Variants in RNF44 observed in about 807,000 individuals in gnomAD.
RNF44 encodes ring finger protein 44.
Under a neutral mutation model 53.6 loss-of-function variants are expected in RNF44, and 25 were observed. The ratio of observed to expected loss-of-function variants is 0.47; its 90% CI spans 0.34 to 0.65. The LOEUF is 0.65. Ranked by LOEUF, RNF44 falls within the 30% of genes least tolerant of loss-of-function variation. The pLI, the probability that RNF44 is intolerant of heterozygous loss-of-function variation, is 0.01. For synonymous variants in RNF44, 282 were observed against 252.2 expected, an observed-to-expected ratio of 1.12 and a Z score of -1.12; for missense variants, 581 against 595.5, an observed-to-expected ratio of 0.98 and a Z score of 0.25.
chr5:176,539,587 C>A (rs1757398554), upstream of RNF44, among the ~76,000 whole-genome samples: 1 of 152,032 alleles, frequency 6.6e-6, no homozygotes, highest in African/African-American at 2.4e-5. Context: ...ACTTAGGAGG[C>A]TGAGGCAGGA....
intron 9 of RNF44, 60 bp from the exon 10 acceptor site, chr5:176,529,447 T>C (rs1756349517): frequency 6.9e-6 from 11 of 1,604,956 alleles, no homozygotes; most frequent in Non-Finnish European, 8.5e-6. Flanking sequence ...CTCAGTGGAG[T>C]GTGACTCCCC....
At position 176,531,278 on chromosome 5, in the gene RNF44, C is replaced by G. The variant is rs1001716396; in HGVS notation, c.465+185G>C. 6.6e-6 allele frequency among the ~76,000 whole-genome samples: 1 copy of G among 152,236 alleles called. No homozygotes were observed. Among genetic ancestry groups the G allele is most frequent in the Non-Finnish European group, 1.5e-5 (1 of 68,034 alleles). On this transcript the variant is annotated intron_variant, in intron 4 of 10. Coordinates refer to ENST00000274811, the MANE Select transcript of RNF44 (RefSeq NM_014901.5). The surrounding 1 kb of genome is among the most constrained non-coding windows in gnomAD (Gnocchi z 4.2). ...CAGGGGTACTGGAAGGTTCCTGAAC[C>G]TTGAAACACTCTATTACCAAATGTG...
Position 176,531,927 on chromosome 5 carries a change from G to C in RNF44, c.297+77C>G, listed in dbSNP as rs9313737. ...GAACGTGAAATGAAGCAAGCTAGGT[G>C]AAATCTAGGCCTTGCTGCCTCTGCC... On this transcript the variant is annotated intron_variant, in intron 3 of 10. Coordinates refer to ENST00000274811, the MANE Select transcript of RNF44 (RefSeq NM_014901.5). This position sits in a 1 kb window ranked among gnomAD's most constrained non-coding sequence, Gnocchi z 4.2. The C allele has an allele frequency of 9.5e-3, 13,518 of 1,430,192 alleles. 907 individuals carry two copies. The African/African-American group carries it at 0.16, about 17-fold the overall frequency. The allele number at this position is 1,430,192 out of a possible 1,614,324, so 88.6% of individuals were successfully genotyped here.
chr5:176,531,742 C>T lies in RNF44; in HGVS notation c.298-112G>A, dbSNP rs908240916. 16 of 1,186,416 alleles carry T rather than the reference C, an allele frequency of 1.3e-5. No individual in the cohort carries two copies. Among genetic ancestry groups the T allele is most frequent in the Middle Eastern group, 4.5e-4 (2 of 4,422 alleles). 73.5% of individuals were successfully genotyped at this position (1,186,416 alleles called of 1,614,324 possible). On this transcript the variant is annotated intron_variant, in intron 3 of 10. Coordinates refer to ENST00000274811, the MANE Select transcript of RNF44 (RefSeq NM_014901.5). This position sits in a 1 kb window ranked among gnomAD's most constrained non-coding sequence, Gnocchi z 4.2. ...GCTGCCGGCTCCCTTCCCTTCTCCA[C>T]GGCGGCCTACCTCAGTGCAGACCAG... is the stretch of plus-strand genomic sequence containing the variant.
intron 6 of RNF44, 96 bp from the exon 7 acceptor site, chr5:176,530,302 G>GCCGCCCCGGAGCCCA (rs1756472234): frequency 4.0e-6 from 1 of 247,404 alleles, no homozygotes; most frequent in African/African-American, 4.1e-5. Flanking sequence ...CTGCCTCCCA[G>GCCGCCCCGGAGCCCA]CCGCCCCGGA....
At chr5:176,535,626 C>T (rs1757081496) in intron 1 of RNF44, among the ~76,000 whole-genome samples, 1 of 152,216 alleles carries the variant, frequency 6.6e-6, no homozygotes. Context: ...ACTCCTGTGG[C>T]ATCAGTAGCT....
intron 2 of RNF44, 56 bp from the exon 3 acceptor site, chr5:176,532,249 G>T: frequency 6.6e-7 from 1 of 1,506,658 alleles, no homozygotes; most frequent in Non-Finnish European, 8.9e-7. Context: ...CGTGCACAGA[G>T]CAGGGAGAGA....
In RNF44 at chr5:176,531,419, G is replaced by T; in HGVS notation, c.465+44C>A. On this transcript the variant is annotated intron_variant, in intron 4 of 10. Transcript: ENST00000274811. The surrounding 1 kb of genome is among the most constrained non-coding windows in gnomAD (Gnocchi z 4.2). The stretch of plus-strand genomic sequence containing the variant: ...CCCGCTGAGCCGCTGGCCTGTGCCT[G>T]GGGCTTGCAGCTGGTGGAGGAGGAG... 1 of 1,527,392 alleles carries T rather than the reference G, an allele frequency of 6.5e-7. No individual in the cohort carries two copies. The allele number at this position is 1,527,392 out of a possible 1,614,324, so 94.6% of individuals were successfully genotyped here.
rs909280054 is a variant in RNF44, at chr5:176,527,595, C to G, written c.*1433G>C. The G allele has an allele frequency of 1.3e-5, 2 of 151,896 alleles. No individual in the cohort carries two copies. Among genetic ancestry groups the G allele is most frequent in the African/African-American group, 4.8e-5 (2 of 41,290 alleles). 9.4% of individuals were successfully genotyped at this position (151,896 alleles called of 1,614,324 possible). On this transcript the variant is annotated 3_prime_UTR_variant, in exon 11 of 11. Transcript: ENST00000274811. Reference sequence around the variant, plus strand: ...TGACGGGCCCCACGGCAGGCTGGGGCGGGAGGTGGGAGCCAGGGCCACTGC... The same window carrying G: ...TGACGGGCCCCACGGCAGGCTGGGGGGGGAGGTGGGAGCCAGGGCCACTGC...
Position 176,529,407 on chromosome 5 carries a change from G to A in RNF44, c.1137-20C>T, listed in dbSNP as rs1381112616. 5 of 1,605,058 alleles carry A rather than the reference G, an allele frequency of 3.1e-6. No individual in the cohort carries two copies. Among genetic ancestry groups the A allele is most frequent in the South Asian group, 2.2e-5 (2 of 90,722 alleles). ...ACACACCTGTGGAGGGGCGCGGAGC[G>A]TCACCTCCACGCTGAGGGCCATGGG... On this transcript the variant is annotated intron_variant, in intron 9 of 10. Transcript: ENST00000274811.
At chr5:176,529,425 GC>G in intron 9 of RNF44, 38 bp from the exon 10 acceptor site, 2 of 1,603,786 alleles carry the variant, frequency 1.2e-6, no homozygotes, top group Non-Finnish European at 1.7e-6. Flanking sequence ...CACGCTGAGG[GC>G]CATGGGAAGG....
upstream of RNF44, among the ~76,000 whole-genome samples, chr5:176,540,519 T>TG (rs1231637322): frequency 2.6e-5 from 4 of 152,260 alleles, no homozygotes; most frequent in Admixed American, 6.5e-5. Flanking sequence ...TTCCCTGCCC[T>TG]GCCGGCTTGC....
rs1402912539 is a variant in RNF44, at chr5:176,528,372, G to A, written c.*656C>T. The stretch of plus-strand genomic sequence containing the variant: ...CTCCCCGTATGGCCCAAGCCCCTCA[G>A]GATACGTGTGCCCCAGCTCGGGATT... On this transcript the variant is annotated 3_prime_UTR_variant, in exon 11 of 11. Transcript: ENST00000274811. The A allele has an allele frequency of 1.3e-5, 2 of 152,324 alleles. No individual in the cohort carries two copies. Among genetic ancestry groups the A allele is most frequent in the African/African-American group, 4.8e-5 (2 of 41,430 alleles). The allele number at this position is 152,324 out of a possible 1,614,324, so 9.4% of individuals were successfully genotyped here. A position where few individuals can be genotyped will look rare whatever the true frequency, so the allele number is the denominator to read the frequency against.
At chr5:176,538,693 T>C (rs1055810161), upstream of RNF44, among the ~76,000 whole-genome samples, 2 of 151,884 alleles carry the variant, frequency 1.3e-5, no homozygotes, top group Non-Finnish European at 2.9e-5. Flanking sequence ...TGGTGGGCCA[T>C]GGGGCAGGGG....
intron 1 of RNF44, 31 bp from the exon 2 acceptor site, chr5:176,532,547 C>A: frequency 3.4e-6 from 5 of 1,453,326 alleles, no homozygotes; most frequent in Non-Finnish European, 4.5e-6. Flanking sequence ...AAGACTGAGG[C>A]ACCTGGCCAA....
chr5:176,536,600 C>A (rs1267804903), intron 1 of RNF44, among the ~76,000 whole-genome samples: 1 of 152,176 alleles, frequency 6.6e-6, no homozygotes, highest in African/African-American at 2.4e-5. Flanking sequence ...GACTGCAGCG[C>A]AGGGGCCAGA....
At chr5:176,530,009 G>A in intron 7 of RNF44, 73 bp downstream of exon 7, 1 of 1,479,412 alleles carries the variant, frequency 6.8e-7, no homozygotes, top group Non-Finnish European at 9.0e-7. Context: ...CTGGAGCTGT[G>A]TTTAGGTCTA....
rs898466469 is a variant in RNF44, at chr5:176,529,560, G to A, written c.1099C>T (p.Arg367Cys). 3.7e-6 allele frequency: 6 copies of A among 1,613,936 alleles called. No individual in the cohort carries two copies. The African/African-American group carries it at 4.0e-5, about 11-fold the overall frequency. ...GACTGATGGCTGTCCGGGTTAAAGC[G>A]GTACGACGGGAGCTGCTCTATGTCT... ...KADIEQLPSY[R>C]FNPDSHQSEQ... is the part of the protein sequence containing the mutation. The change falls in exon 9 of 11, where the codon CGC (arginine) becomes TGC (cysteine). Residue 367 changes from arginine to cysteine, a missense_variant. This residue lies in a region of RNF44 where 183 missense variants were observed against 198.6 expected (regional missense o/e 0.92). Transcript: ENST00000274811.
At position 176,531,956 on chromosome 5, in the gene RNF44, C is replaced by G; in HGVS notation, c.297+48G>C. Reference sequence around the variant, plus strand: ...TCTAGGCCTTGCTGCCTCTGCCTCTCAGACTGGCTCACAGGGCCAGGGGCA... The same window carrying G: ...TCTAGGCCTTGCTGCCTCTGCCTCTGAGACTGGCTCACAGGGCCAGGGGCA... On this transcript the variant is annotated intron_variant, in intron 3 of 10. Transcript: ENST00000274811. This position sits in a 1 kb window ranked among gnomAD's most constrained non-coding sequence, Gnocchi z 4.2. The G allele has an allele frequency of 1.9e-6, 3 of 1,541,128 alleles. No individual in the cohort carries two copies. Among genetic ancestry groups the G allele is most frequent in the Non-Finnish European group, 2.6e-6 (3 of 1,142,252 alleles).
Sources: allele counts gnomAD v4.1 joint callset (sites outside exome capture counted in the v4.1 genomes callset), GRCh38; gene constraint gnomAD v4.1.1; regional missense constraint gnomAD v4.1.1; non-coding constraint Gnocchi (gnomAD v3.1); transcripts MANE v1.5; gene names NCBI Gene and HGNC (gene_info 2026-07-23, HGNC 2026-07-21).